Variants in MBTPS1 observed in about 807,000 individuals in gnomAD.
MBTPS1 encodes the protein membrane bound transcription factor peptidase, site 1.
Under a neutral mutation model 127.8 loss-of-function variants are expected in MBTPS1, and 94 were observed. The observed-to-expected ratio is 0.74, with a 90% confidence interval of 0.62 to 0.87. The LOEUF is 0.87. MBTPS1 is among the 40% of genes least tolerant of loss of function. MBTPS1 has a pLI of 0.00. For synonymous variants in MBTPS1, 632 were observed against 509.4 expected (o/e 1.24, Z -3.24); for missense variants, 1,636 against 1,353.2 (o/e 1.21, Z -3.28).
intron 14 of MBTPS1, among the ~76,000 whole-genome samples, chr16:84,069,627 A>G (rs1458256311): frequency 6.6e-6 from 1 of 152,188 alleles, no homozygotes; most frequent in Non-Finnish European, 1.5e-5. Flanking sequence ...GACTGGCGCA[A>G]TGGGAGAAGG....
At chr16:84,077,548 A>G (rs2085878589) in intron 11 of MBTPS1, among the ~76,000 whole-genome samples, 1 of 152,250 alleles carries the variant, frequency 6.6e-6, no homozygotes, top group Admixed American at 6.5e-5. Flanking sequence ...ATTTGGCAAA[A>G]GAAAAAATTA....
chr16:84,114,280 G>A (rs2086439453), intron 1 of MBTPS1, among the ~76,000 whole-genome samples: 1 of 152,034 alleles, frequency 6.6e-6, no homozygotes, highest in Admixed American at 6.6e-5. Context: ...GTATTCGGGT[G>A]TATTCTTACA....
At chr16:84,099,331 C>T (rs200316252) in intron 2 of MBTPS1, 21 bp from the exon 3 acceptor site, 210 of 1,608,750 alleles carry the variant, frequency 1.3e-4, no homozygotes, top group Admixed American at 5.1e-5. Flanking sequence ...TCACCACAAA[C>T]AAAAATAAGA....
intron 6 of MBTPS1, among the ~76,000 whole-genome samples, chr16:84,092,049 G>A (rs1036441827): frequency 2.0e-5 from 3 of 152,158 alleles, no homozygotes; most frequent in African/African-American, 7.2e-5. Flanking sequence ...CCTTGGAGCT[G>A]AACCTAAGGA....
intron 19 of MBTPS1, 52 bp downstream of exon 19, chr16:84,063,253 G>C (rs1268060839): frequency 6.3e-6 from 10 of 1,581,286 alleles, no homozygotes; most frequent in African/African-American, 4.0e-5. Context: ...GAGACAAAGG[G>C]AAGAAAGGAT....
intron 8 of MBTPS1, among the ~76,000 whole-genome samples, chr16:84,090,295 A>C (rs11865802): frequency 0.015 from 2,315 of 152,304 alleles, 20 homozygotes; most frequent in African/African-American, 0.022. Flanking sequence ...AATGTTTCGC[A>C]TCTCACGCTG....
intron 1 of MBTPS1, among the ~76,000 whole-genome samples, chr16:84,113,451 T>A (rs1460057945): frequency 6.6e-6 from 1 of 152,234 alleles, no homozygotes; most frequent in African/African-American, 2.4e-5. Flanking sequence ...AAGACACCGT[T>A]CAAATTATAG....
intron 6 of MBTPS1, 90 bp downstream of exon 6, chr16:84,093,098 C>T: frequency 3.4e-6 from 3 of 878,138 alleles, no homozygotes; most frequent in Non-Finnish European, 3.9e-6. Context: ...GACGTGCACT[C>T]CTTTTACACA....
Position 84,090,956 on chromosome 16 carries a change from AT to A in MBTPS1, c.964-15del. ...TAATTCCCACACCTACAAAAGGAGC[AT>A]TTATTTAATGAAAGTATCCCTTTCA... On this transcript the variant is annotated splice_polypyrimidine_tract_variant and intron_variant, in intron 7 of 22. Coordinates refer to ENST00000343411, the MANE Select transcript of MBTPS1 (RefSeq NM_003791.4). 6.4e-7 allele frequency: 1 copy of A among 1,572,576 alleles called. No homozygotes were observed. Among genetic ancestry groups the A allele is most frequent in the Non-Finnish European group, 8.7e-7 (1 of 1,144,560 alleles).
At chr16:84,089,714 T>C (rs1291933390) in intron 8 of MBTPS1, among the ~76,000 whole-genome samples, 1 of 152,188 alleles carries the variant, frequency 6.6e-6, no homozygotes, top group Non-Finnish European at 1.5e-5. Context: ...AGGTCGGACC[T>C]GTCTGCTTCC....
At chr16:84,093,654 A>C (rs1385347630) in intron 5 of MBTPS1, 57 bp downstream of exon 5, 2 of 1,168,742 alleles carry the variant, frequency 1.7e-6, no homozygotes, top group African/African-American at 3.0e-5. Context: ...GGAATCATGC[A>C]CTAAACACAC....
chr16:84,055,947 C>A, intron 22 of MBTPS1, 58 bp downstream of exon 22: 1 of 1,568,138 alleles, frequency 6.4e-7, no homozygotes, highest in Non-Finnish European at 8.7e-7. Flanking sequence ...GGGAGGGAGA[C>A]TCCTTTGAAC....
Position 84,093,299 on chromosome 16 carries a change from T to C in MBTPS1, c.737-2A>G. The C allele has an allele frequency of 1.3e-6, 2 of 1,596,254 alleles. No individual in the cohort carries two copies. The highest frequency in any genetic ancestry group is 1.7e-6 in the Non-Finnish European group (2 of 1,163,628). ...CCACGAATGTGCCATGGCCCAACCC[T>C]GCAGTCCATAAAGAAAACAATCCCA... On this transcript the variant is annotated splice_acceptor_variant, in intron 5 of 22. Coordinates refer to ENST00000343411, the MANE Select transcript of MBTPS1 (RefSeq NM_003791.4). LOFTEE classifies it high-confidence loss of function.
chr16:84,080,073 G>C (rs2085917591), intron 11 of MBTPS1, among the ~76,000 whole-genome samples: 1 of 152,190 alleles, frequency 6.6e-6, no homozygotes, highest in African/African-American at 2.4e-5. Context: ...CTCAGAAAAG[G>C]CTGGACACAT....
intron 9 of MBTPS1, chr16:84,086,291 T>C (rs968669797): frequency 2.0e-5 from 3 of 151,744 alleles, no homozygotes; most frequent in African/African-American, 7.3e-5. Flanking sequence ...GGGGACAAAG[T>C]GGATGACATC....
chr16:84,058,505 C>T (rs185435057), intron 21 of MBTPS1, among the ~76,000 whole-genome samples: 134 of 152,334 alleles, frequency 8.8e-4, no homozygotes, highest in African/African-American at 3.1e-3. Context: ...GCCTGCCCGG[C>T]CACGGACACA....
chr16:84,074,369 G>T (rs968441271), intron 12 of MBTPS1, among the ~76,000 whole-genome samples: 13 of 151,942 alleles, frequency 8.6e-5, no homozygotes, highest in Non-Finnish European at 1.9e-4. Flanking sequence ...TGTGTATCTG[G>T]GACCACGGGC....
chr16:84,060,002 C>T (rs1275165347), intron 20 of MBTPS1: 1 of 152,572 alleles, frequency 6.6e-6, no homozygotes, highest in Non-Finnish European at 1.5e-5. Context: ...TTAAACGCAG[C>T]TCCTGGAAAA....
intron 2 of MBTPS1, among the ~76,000 whole-genome samples, chr16:84,101,251 G>T (rs1023216525): frequency 2.0e-5 from 3 of 152,134 alleles, no homozygotes; most frequent in African/African-American, 7.2e-5. Flanking sequence ...AGTGAACCGA[G>T]ATCGTGCCAT....
Sources: gnomAD v4.1 joint callset for allele counts (sites outside exome capture counted in the v4.1 genomes callset) on GRCh38, gnomAD v4.1.1 for gene constraint, MANE v1.5 for transcripts, NCBI Gene and HGNC (gene_info 2026-07-23, HGNC 2026-07-21) for gene names.